Variants in TIAM1 observed in about 807,000 individuals in gnomAD.
TIAM1 encodes the protein TIAM Rac1 associated GEF 1.
TIAM1 carries 65 observed loss-of-function variants against 163.5 expected under a neutral mutation model. That is an observed-to-expected ratio of 0.40 (90% CI 0.33 to 0.49). The LOEUF is 0.49. Ranked by LOEUF, TIAM1 falls within the 20% of genes least tolerant of loss-of-function variation. The pLI is 0.77. For missense variants in TIAM1, 1,789 were observed against 2,044.7 expected, an observed-to-expected ratio of 0.87 and a Z score of 2.41; for synonymous variants, 833 against 810.1, an observed-to-expected ratio of 1.03 and a Z score of -0.48.
intron 2 of TIAM1, among the ~76,000 whole-genome samples, chr21:31,362,703 G>A (rs934744312): frequency 6.6e-6 from 1 of 151,970 alleles, no homozygotes; most frequent in Non-Finnish European, 1.5e-5. Flanking sequence ...TTGACCTCAA[G>A]TGATCCACCT....
At chr21:31,525,872 A>G (rs529912619) in intron 1 of TIAM1, among the ~76,000 whole-genome samples, 1 of 151,814 alleles carries the variant, frequency 6.6e-6, no homozygotes, top group Admixed American at 6.6e-5. Flanking sequence ...CGCCTTTACT[A>G]AAAATACAAA....
intron 26 of TIAM1, among the ~76,000 whole-genome samples, chr21:31,125,470 G>A (rs2082161388): frequency 6.6e-6 from 1 of 152,236 alleles, no homozygotes; most frequent in African/African-American, 2.4e-5. Context: ...AGTCCTGACA[G>A]CTTCCCGGGG....
intron 2 of TIAM1, among the ~76,000 whole-genome samples, chr21:31,365,683 C>T (rs973733631): frequency 5.9e-5 from 9 of 151,964 alleles, no homozygotes; most frequent in African/African-American, 2.2e-4. Context: ...AGCCACTGTG[C>T]CCAGCCTGTG....
chr21:31,325,894 T>A (rs1050412805), intron 2 of TIAM1, among the ~76,000 whole-genome samples: 2 of 152,214 alleles, frequency 1.3e-5, no homozygotes, highest in African/African-American at 2.4e-5. Context: ...CAACTGCGAA[T>A]AAAAGCAGTA....
chr21:31,295,469 CAAAAAAAAA>C (rs1215751004), intron 2 of TIAM1, among the ~76,000 whole-genome samples: 2 of 66,016 alleles, frequency 3.0e-5, no homozygotes, highest in African/African-American at 1.1e-4. Context: ...GACTCCATCA[CAAAAAAAAA>C]AAAAAAAAAA....
chr21:31,441,142 T>C (rs932440073), intron 2 of TIAM1, among the ~76,000 whole-genome samples: 3 of 152,218 alleles, frequency 2.0e-5, no homozygotes, highest in African/African-American at 4.8e-5. Flanking sequence ...CTTTGTGATT[T>C]TGCTGGTTCA....
At chr21:31,554,146 C>A (rs1021112410) in intron 1 of TIAM1, among the ~76,000 whole-genome samples, 1 of 152,120 alleles carries the variant, frequency 6.6e-6, no homozygotes, top group African/African-American at 2.4e-5. Flanking sequence ...TCCTGTCTTC[C>A]TCATGGTCAC....
At chr21:31,418,356 A>G (rs922508570) in intron 2 of TIAM1, among the ~76,000 whole-genome samples, 15 of 151,480 alleles carry the variant, frequency 9.9e-5, no homozygotes, top group Non-Finnish European at 2.1e-4. Context: ...AAAAAAAAAA[A>G]AAAAAAAAAA....
At chr21:31,500,328 T>A (rs528227987) in intron 1 of TIAM1, among the ~76,000 whole-genome samples, 33 of 152,168 alleles carry the variant, frequency 2.2e-4, no homozygotes, top group African/African-American at 6.7e-4. Flanking sequence ...TGAAACTCAG[T>A]TTTCTCTGGA....
At chr21:31,164,514 T>C (rs2084112248) in intron 16 of TIAM1, among the ~76,000 whole-genome samples, 2 of 152,332 alleles carry the variant, frequency 1.3e-5, no homozygotes, top group Middle Eastern at 3.4e-3. Context: ...TATGGTTTCT[T>C]TCCCTTTAAC....
chr21:31,430,225 A>AAAATATAT (rs1555978198), intron 2 of TIAM1, among the ~76,000 whole-genome samples: 1 of 90,278 alleles, frequency 1.1e-5, no homozygotes, highest in African/African-American at 5.8e-5. Context: ...AAAAAAAAAA[A>AAAATATAT]ATATATATAT....
At chr21:31,167,326 G>A (rs189636010) in intron 15 of TIAM1, among the ~76,000 whole-genome samples, 215 of 152,004 alleles carry the variant, frequency 1.4e-3, no homozygotes, top group African/African-American at 4.9e-3. Context: ...TCCTGAATGC[G>A]CCCACCTCGG....
rs16988108 is a variant in TIAM1, at chr21:31,329,332, G to A, written c.-189+9911C>T. 1.2e-3 allele frequency among the ~76,000 whole-genome samples: 186 copies of A among 152,324 alleles called. No homozygotes were observed. In the Middle Eastern group the frequency reaches 0.017, roughly 14 times the overall value. ...TGACTTCAAAAGTCAAAGACAACCC[G>A]CAAGAAGAAACGCTGAGGTCGGCTC... On this transcript the variant is annotated intron_variant, in intron 2 of 27. Transcript: ENST00000541036.
chr21:31,464,845 GAAAA>G (rs35141475), intron 1 of TIAM1, among the ~76,000 whole-genome samples: 3 of 100,372 alleles, frequency 3.0e-5, no homozygotes, highest in Non-Finnish European at 4.0e-5. Flanking sequence ...TCCGTCTCGG[GAAAA>G]AAAAAAAAAA....
intron 2 of TIAM1, among the ~76,000 whole-genome samples, chr21:31,412,391 C>T (rs2077373840): frequency 6.6e-6 from 1 of 151,688 alleles, no homozygotes; most frequent in Admixed American, 6.6e-5. Flanking sequence ...CACCAGGGAC[C>T]GGTTTCATGG....
chr21:31,292,782 C>T (rs768080515), intron 2 of TIAM1, among the ~76,000 whole-genome samples: 53 of 152,104 alleles, frequency 3.5e-4, no homozygotes, highest in Admixed American at 6.5e-4. Flanking sequence ...GATTCTCATG[C>T]CTCAGCCCTC....
chr21:31,451,772 AGAGAGAGAGAG>A (rs1569343367), intron 2 of TIAM1, among the ~76,000 whole-genome samples: 10 of 151,404 alleles, frequency 6.6e-5, no homozygotes, highest in Admixed American at 4.0e-4. Context: ...AGACACAGAG[AGAGAGAGAGAG>A]AGAGAGATAA....
intron 2 of TIAM1, among the ~76,000 whole-genome samples, chr21:31,321,943 C>A (rs1198353895): frequency 6.6e-6 from 1 of 151,982 alleles, no homozygotes; most frequent in African/African-American, 2.4e-5. Flanking sequence ...ATCCCAGCTA[C>A]TCGGGAGGCT....
chr21:31,437,878 T>C (rs746008577), intron 2 of TIAM1, among the ~76,000 whole-genome samples: 1 of 152,220 alleles, frequency 6.6e-6, no homozygotes, highest in Non-Finnish European at 1.5e-5. Context: ...ATTTCAGATA[T>C]TTCTTTATAG....
Sources: gnomAD v4.1 joint callset for allele counts (sites outside exome capture counted in the v4.1 genomes callset) on GRCh38, gnomAD v4.1.1 for gene constraint, MANE v1.5 for transcripts, NCBI Gene and HGNC (gene_info 2026-07-23, HGNC 2026-07-21) for gene names.